Variants in SHISA9 observed in about 807,000 individuals in gnomAD.
The protein encoded by SHISA9 is shisa family member 9.
In SHISA9, 13 loss-of-function variants were observed where a neutral mutation model predicts 38.0. The observed-to-expected ratio is 0.34, with a 90% CI of 0.22 to 0.54. The LOEUF is 0.54. Ranked by LOEUF, SHISA9 falls within the 20% of genes least tolerant of loss-of-function variation. The pLI is 0.91. For missense variants in SHISA9, 538 were observed against 575.8 expected (o/e 0.93, Z 0.67); for synonymous variants, 275 against 242.0 (o/e 1.14, Z -1.27).
intron 2 of SHISA9, among the ~76,000 whole-genome samples, chr16:12,978,062 A>C (rs571063388): frequency 2.5e-4 from 38 of 152,310 alleles, no homozygotes; most frequent in Middle Eastern, 6.8e-3. Context: ...ATTTTTGCAG[A>C]GGGACTAGTT....
intron 2 of SHISA9, among the ~76,000 whole-genome samples, chr16:13,095,482 A>T (rs1229329857): frequency 1.3e-5 from 2 of 152,228 alleles, no homozygotes; most frequent in Non-Finnish European, 2.9e-5. Flanking sequence ...GGAAAACGAA[A>T]AGGGAAATGG....
intron 2 of SHISA9, among the ~76,000 whole-genome samples, chr16:12,982,205 G>A (rs974637661): frequency 2.6e-5 from 4 of 152,202 alleles, no homozygotes; most frequent in African/African-American, 9.6e-5. Flanking sequence ...CAGCTTAACT[G>A]CTGGATTCGG....
rs377538660 is a variant in SHISA9 at position 13,146,178 on chromosome 16, A to G, written c.692-57216A>G. Among the ~76,000 whole-genome samples the G allele has an allele frequency of 3.3e-5, 5 of 152,228 alleles. No homozygotes were observed. In the East Asian group the frequency reaches 7.7e-4, roughly 23 times the overall value. On this transcript the variant is annotated intron_variant, in intron 2 of 4. Transcript: ENST00000558583. ...GCACTCCAGGCTGGGTGACAGAGTG[A>G]GTGAGACTCCGTCTCAATGAAAATA...
At chr16:13,547,938 T>C in the SHISA9 span, among the ~76,000 whole-genome samples, 79,578 of 151,852 alleles carry the variant, frequency 0.52, 21,224 homozygotes, top group South Asian at 0.65. Context: ...ACAAAGCTGG[T>C]GGCATCACAC....
At chr16:13,521,065 A>G in the SHISA9 span, among the ~76,000 whole-genome samples, 3 of 152,242 alleles carry the variant, frequency 2.0e-5, no homozygotes, top group Non-Finnish European at 4.4e-5. Context: ...CTCATTTTCA[A>G]TTCTCTGAGC....
chr16:13,234,966 C>G, intron 4 of SHISA9, 64 bp from the exon 5 acceptor site: 2 of 1,467,290 alleles, frequency 1.4e-6, no homozygotes, highest in Admixed American at 2.4e-5. Context: ...AACTCTCTCT[C>G]TCTCTCTCTC....
chr16:13,474,777 A>G, the SHISA9 span, among the ~76,000 whole-genome samples: 10,113 of 152,300 alleles, frequency 0.066, 460 homozygotes, highest in Non-Finnish European at 0.1. Flanking sequence ...GACAAGAATA[A>G]GACAACCATG....
the SHISA9 span, among the ~76,000 whole-genome samples, chr16:13,362,214 C>CAA: frequency 0.073 from 9,285 of 127,132 alleles, 498 homozygotes; most frequent in South Asian, 0.18. Context: ...GAACGACAGC[C>CAA]AAAAAAAAAA....
the SHISA9 span, among the ~76,000 whole-genome samples, chr16:13,345,352 T>C: frequency 2.0e-5 from 3 of 152,086 alleles, no homozygotes; most frequent in Admixed American, 2.0e-4. Flanking sequence ...TGAGAACATG[T>C]GGTATTTGGT....
the SHISA9 span, among the ~76,000 whole-genome samples, chr16:13,266,769 T>C: frequency 6.6e-6 from 1 of 152,120 alleles, no homozygotes; most frequent in Non-Finnish European, 1.5e-5. Context: ...CAGAGGCCCT[T>C]GCACATCAAG....
At chr16:13,389,390 T>G in the SHISA9 span, among the ~76,000 whole-genome samples, 1 of 152,216 alleles carries the variant, frequency 6.6e-6, no homozygotes, top group African/African-American at 2.4e-5. Flanking sequence ...TCTTTATGGC[T>G]TGATAACTCA....
intron 2 of SHISA9, among the ~76,000 whole-genome samples, chr16:13,127,338 A>G: frequency 8.5e-6 from 1 of 118,140 alleles, no homozygotes; most frequent in Non-Finnish European, 1.7e-5. Context: ...AAGGGGTGAG[A>G]GAGTGAGGGA....
At chr16:12,908,816 C>A in intron 1 of SHISA9, 1 of 1,331,132 alleles carries the variant, frequency 7.5e-7, no homozygotes, top group East Asian at 3.1e-5. Flanking sequence ...GGGACAGAAG[C>A]ACATATGTGA....
intron 2 of SHISA9, among the ~76,000 whole-genome samples, chr16:12,976,077 C>G (rs1451621269): frequency 2.6e-5 from 4 of 152,042 alleles, no homozygotes; most frequent in African/African-American, 7.2e-5. Flanking sequence ...ACTTATTGCT[C>G]TAGAAAAATA....
chr16:13,325,487 T>C, the SHISA9 span, among the ~76,000 whole-genome samples: 9 of 152,190 alleles, frequency 5.9e-5, no homozygotes, highest in Non-Finnish European at 2.9e-5. Flanking sequence ...ATGGGATCCA[T>C]TTAGTTGGTC....
At chr16:13,216,903 T>C (rs529521769) in intron 4 of SHISA9, among the ~76,000 whole-genome samples, 6 of 152,138 alleles carry the variant, frequency 3.9e-5, no homozygotes, top group South Asian at 2.1e-4. Context: ...GTCACTGCTA[T>C]TGATCCACCC....
the SHISA9 span, among the ~76,000 whole-genome samples, chr16:13,376,517 C>T: frequency 3.0e-4 from 45 of 152,290 alleles, no homozygotes; most frequent in African/African-American, 1.1e-3. Context: ...ATAACCAGAG[C>T]TGTTTTTTTC....
At chr16:12,969,761 CA>C (rs1485161244) in intron 2 of SHISA9, among the ~76,000 whole-genome samples, 1 of 151,172 alleles carries the variant, frequency 6.6e-6, no homozygotes, top group East Asian at 1.9e-4. Context: ...CCCTCCCCAC[CA>C]AAAAAAATGT....
chr16:13,243,449 G>A (rs1165910031), downstream of SHISA9, among the ~76,000 whole-genome samples: 1 of 151,978 alleles, frequency 6.6e-6, no homozygotes, highest in African/African-American at 2.4e-5. Context: ...AAAGTGGGGG[G>A]GCTTCCAGGC....
Sources: allele counts gnomAD v4.1 joint callset (sites outside exome capture counted in the v4.1 genomes callset), GRCh38; gene constraint gnomAD v4.1.1; transcripts MANE v1.5; gene names NCBI Gene and HGNC (gene_info 2026-07-23, HGNC 2026-07-21).